The following FBXL18 variants were observed in gnomAD, a reference collection of about 807,000 sequenced individuals.
The protein encoded by FBXL18 is F-box and leucine rich repeat protein 18, also known as F-box/LRR-repeat protein 18.
FBXL18 carries 36 observed loss-of-function variants against 46.0 expected under a neutral mutation model. The observed-to-expected ratio is 0.78, with a 90% CI of 0.60 to 1.03. The LOEUF (loss-of-function observed/expected upper bound fraction) is 1.03, where lower values mean the gene tolerates loss of function less well. Among genes scored for constraint, FBXL18 ranks in the 50% least tolerant of loss-of-function variants. The pLI, the probability that FBXL18 is intolerant of heterozygous loss-of-function variation, is 0.00. For synonymous variants in FBXL18, 557 were observed against 465.3 expected, an observed-to-expected ratio of 1.20 and a Z score of -2.54; for missense variants, 977 against 1,004.1, an observed-to-expected ratio of 0.97 and a Z score of 0.36.
At chr7:5,466,676 G>A (rs1018869842) in intron 4 of FBXL18, among the ~76,000 whole-genome samples, 1 of 152,210 alleles carries the variant, frequency 6.6e-6, no homozygotes, top group Non-Finnish European at 1.5e-5. Flanking sequence ...GGGGACTGGG[G>A]CATGGACATC....
intron 1 of FBXL18, among the ~76,000 whole-genome samples, chr7:5,511,847 C>T (rs1185703971): frequency 6.6e-6 from 1 of 151,734 alleles, no homozygotes. Context: ...GGGCTGGGCG[C>T]AGGGGCTCAC....
At chr7:5,486,879 G>C (rs10225763) in intron 4 of FBXL18, among the ~76,000 whole-genome samples, 2,850 of 152,334 alleles carry the variant, frequency 0.019, 91 homozygotes, top group African/African-American at 0.065. Flanking sequence ...GGACGGGTGA[G>C]CCGCACAACA....
chr7:5,513,469 T>G, intron 1 of FBXL18, among the ~76,000 whole-genome samples, 188 bp downstream of exon 1: 1 of 143,528 alleles, frequency 7.0e-6, no homozygotes, highest in African/African-American at 2.6e-5. Context: ...CGAGACAGGG[T>G]AGGAGTCTTG....
At chr7:5,457,816 G>A (rs980656334) in intron 4 of FBXL18, among the ~76,000 whole-genome samples, 2 of 152,192 alleles carry the variant, frequency 1.3e-5, no homozygotes, top group Admixed American at 6.5e-5. Flanking sequence ...TCCAGGCCAC[G>A]TTATGGCGGA....
chr7:5,467,692 G>A (rs1012644570), intron 4 of FBXL18, among the ~76,000 whole-genome samples: 2 of 152,146 alleles, frequency 1.3e-5, no homozygotes, highest in African/African-American at 4.8e-5. Flanking sequence ...CGCCTCTGGG[G>A]TCCTCAAAGT....
In FBXL18 at chr7:5,500,688, G is replaced by A. The variant is rs577039942; in HGVS notation, c.1581C>T (p.Ile527=). The change falls in exon 3 of 5, where the codon ATC becomes ATT. Residue 527 remains isoleucine (I), a synonymous_variant. Transcript: ENST00000382368. The stretch of plus-strand genomic sequence containing the variant: ...GGTGCCGCAGGAAGGCCAGCTGGCC[G>A]ATGGCGGCCACCTCCGAGTCCCCGA... The part of the protein sequence containing the change: ...QSVGDSEVAA[I]GQLAFLRHLT... 24 of 1,610,518 alleles carry A rather than the reference G, an allele frequency of 1.5e-5. No homozygotes were observed. Among genetic ancestry groups the A allele is most frequent in the African/African-American group, 8.0e-5 (6 of 75,018 alleles).
chr7:5,495,964 T>A, intron 3 of FBXL18: 1 of 455,998 alleles, frequency 2.2e-6, no homozygotes, highest in South Asian at 1.6e-5. Context: ...TCTCTCAGGC[T>A]GGCCCACAAA....
chr7:5,483,890 G>A (rs1048233444), intron 4 of FBXL18, among the ~76,000 whole-genome samples: 3 of 152,216 alleles, frequency 2.0e-5, no homozygotes, highest in African/African-American at 7.2e-5. Flanking sequence ...AAAGGGAAGA[G>A]GACGACGGGG....
intron 4 of FBXL18, among the ~76,000 whole-genome samples, chr7:5,458,738 A>T (rs1377784508): frequency 6.6e-6 from 1 of 151,770 alleles, no homozygotes; most frequent in Non-Finnish European, 1.5e-5. Context: ...GCACATGCCT[A>T]TAGTCCCAGC....
At chr7:5,465,146 T>C (rs1247529029) in intron 4 of FBXL18, among the ~76,000 whole-genome samples, 1 of 152,180 alleles carries the variant, frequency 6.6e-6, no homozygotes, top group Non-Finnish European at 1.5e-5. Flanking sequence ...AACTTCTCTC[T>C]GGGATCAATA....
At chr7:5,462,582 C>T (rs909949917) in intron 4 of FBXL18, among the ~76,000 whole-genome samples, 2 of 152,104 alleles carry the variant, frequency 1.3e-5, no homozygotes, top group Non-Finnish European at 2.9e-5. Flanking sequence ...TCACCTGCAG[C>T]TCTCAAATGC....
In FBXL18 at chr7:5,501,627, C is replaced by G. The variant is rs368163396; in HGVS notation, c.642G>C (p.Ser214=). The G allele has an allele frequency of 6.2e-7, 1 of 1,613,656 alleles. No individual in the cohort carries two copies. Among genetic ancestry groups the G allele is most frequent in the Non-Finnish European group, 8.5e-7 (1 of 1,179,912 alleles). The change falls in exon 3 of 5, where the codon TCG becomes TCC. Residue 214 remains serine, a synonymous_variant. Transcript: ENST00000382368. ...TGCTCTGGCCCACCATAAGCTGGCC[C>G]GAGAGGATGGCGCCCTCGCGCGTGC... The part of the protein sequence containing the change: ...LDRTREGAIL[S]GQLMVGQSNV...
chr7:5,467,720 T>C (rs571087633), intron 4 of FBXL18, among the ~76,000 whole-genome samples: 1 of 152,124 alleles, frequency 6.6e-6, no homozygotes. Flanking sequence ...CGTCAAAAAA[T>C]ATTAATCCTC....
intron 4 of FBXL18, among the ~76,000 whole-genome samples, chr7:5,469,178 G>A (rs542066769): frequency 1.2e-4 from 18 of 152,270 alleles, no homozygotes; most frequent in Non-Finnish European, 2.5e-4. Context: ...TTGGGAGGCC[G>A]AAGTGGGTGG....
At chr7:5,493,505 C>A (rs1386498298) in intron 3 of FBXL18, among the ~76,000 whole-genome samples, 13 of 151,984 alleles carry the variant, frequency 8.6e-5, no homozygotes, top group African/African-American at 3.1e-4. Flanking sequence ...CCGTGTTAGC[C>A]AGGATGGTCT....
intron 3 of FBXL18, among the ~76,000 whole-genome samples, chr7:5,492,765 G>C (rs1783964095): frequency 6.6e-6 from 1 of 152,040 alleles, no homozygotes; most frequent in Non-Finnish European, 1.5e-5. Flanking sequence ...GCAGAGACTG[G>C]GGCCACGTGT....
chr7:5,480,588 G>C lies in FBXL18; in HGVS notation c.*1187C>G, dbSNP rs1489719056. On this transcript the variant is annotated 3_prime_UTR_variant, in exon 5 of 5. Transcript: ENST00000382368. The stretch of plus-strand genomic sequence containing the variant: ...TTTTTTTTTTTTTTTTTTTGAGGCG[G>C]AGTCTCACCCTGTTGTCCAGGCTGG... 4.0e-5 allele frequency: 4 copies of C among 99,806 alleles called. No homozygotes were observed. Among genetic ancestry groups the C allele is most frequent in the African/African-American group, 1.7e-4 (4 of 24,148 alleles). The allele number at this position is 99,806 out of a possible 1,614,324, so 6.2% of individuals were successfully genotyped here.
chr7:5,513,480 G>A (rs1275412709), intron 1 of FBXL18, among the ~76,000 whole-genome samples, 177 bp downstream of exon 1: 1 of 152,068 alleles, frequency 6.6e-6, no homozygotes, highest in Non-Finnish European at 1.5e-5. Context: ...AGGAGTCTTG[G>A]GGACAGGATG....
chr7:5,485,274 C>G (rs1783743915), intron 4 of FBXL18, among the ~76,000 whole-genome samples: 2 of 152,162 alleles, frequency 1.3e-5, no homozygotes, highest in Admixed American at 6.5e-5. Context: ...GAGGGGGAGT[C>G]TCTGTGGATT....
Sources: gnomAD v4.1 joint callset for allele counts (sites outside exome capture counted in the v4.1 genomes callset) on GRCh38, gnomAD v4.1.1 for gene constraint, MANE v1.5 for transcripts, NCBI Gene and HGNC (gene_info 2026-07-23, HGNC 2026-07-21) for gene names.